PIEZO2: variants seen among roughly 807,000 people sequenced by gnomAD.
The protein encoded by PIEZO2 is piezo-type mechanosensitive ion channel component 2.
Under a neutral mutation model 337.3 loss-of-function variants are expected in PIEZO2, and 172 were observed. The ratio of observed to expected loss-of-function variants is 0.51; its 90% CI spans 0.45 to 0.58. The LOEUF is 0.58. PIEZO2 is among the 20% of genes least tolerant of loss of function. PIEZO2 has a pLI of 0.00. For synonymous variants in PIEZO2, 1,251 were observed against 1,228.5 expected (o/e 1.02, Z -0.38); for missense variants, 3,028 against 3,391.3 (o/e 0.89, Z 2.66).
intron 1 of PIEZO2, among the ~76,000 whole-genome samples, chr18:11,071,273 C>T (rs1287338278): frequency 6.6e-6 from 1 of 152,186 alleles, no homozygotes; most frequent in African/African-American, 2.4e-5. Context: ...AGAACAAGAA[C>T]AAGAACACAA....
chr18:10,689,579 A>G (rs1380472877), intron 49 of PIEZO2, 76 bp downstream of exon 49: 4 of 1,582,332 alleles, frequency 2.5e-6, no homozygotes, highest in Non-Finnish European at 3.5e-6. Context: ...TGTGAGCAGA[A>G]GTTCACATTC....
rs1188806870 is a variant in PIEZO2 at position 10,960,319 on chromosome 18, T to C, written c.286+19216A>G. The stretch of plus-strand genomic sequence containing the variant: ...AAAATTCTTATACATTCAATGTTTA[T>C]CTTTTTCAAGAAGCACTTACAGCCA... On this transcript the variant is annotated intron_variant, in intron 3 of 55. Transcript: ENST00000674853. Among the ~76,000 whole-genome samples, 64 of 152,200 alleles carry C rather than the reference T, an allele frequency of 4.2e-4. 1 individual carries two copies. Among genetic ancestry groups the C allele is most frequent in the Admixed American group, 4.2e-3 (64 of 15,276 alleles).
intron 1 of PIEZO2, among the ~76,000 whole-genome samples, chr18:11,106,932 T>C (rs1333207058): frequency 6.6e-6 from 1 of 152,086 alleles, no homozygotes; most frequent in Non-Finnish European, 1.5e-5. Flanking sequence ...GAGAAACAAA[T>C]AAGCTCAGGG....
In PIEZO2 at chr18:10,952,512, G is replaced by A. The variant is rs888349990; in HGVS notation, c.286+27023C>T. Among the ~76,000 whole-genome samples, 4 of 152,170 alleles carry A rather than the reference G, an allele frequency of 2.6e-5. No homozygotes were observed. The highest frequency in any genetic ancestry group is 9.7e-5 in the African/African-American group (4 of 41,440). On this transcript the variant is annotated intron_variant, in intron 3 of 55. Transcript: ENST00000674853. The surrounding 1 kb of genome is among the most constrained non-coding windows in gnomAD (Gnocchi z 4.1). The stretch of plus-strand genomic sequence containing the variant: ...GTCTGAATTCACTTAACATAATGCT[G>A]AATTGAGATGCTCTTGCATGTACCC...
Position 10,952,235 on chromosome 18 carries a change from T to C in PIEZO2, c.286+27300A>G, listed in dbSNP as rs2033326302. Among the ~76,000 whole-genome samples, 1 of 152,342 alleles carries C rather than the reference T, an allele frequency of 6.6e-6. No individual in the cohort carries two copies. The highest frequency in any genetic ancestry group is 2.1e-4 in the South Asian group (1 of 4,826). ...TCTTTTTAAATCATTTTTTTTCTTA[T>C]TAGATTATAAGTTACACAGAGTAAA... On this transcript the variant is annotated intron_variant, in intron 3 of 55. Transcript: ENST00000674853. The surrounding 1 kb of genome is among the most constrained non-coding windows in gnomAD (Gnocchi z 4.1).
intron 48 of PIEZO2, among the ~76,000 whole-genome samples, chr18:10,690,498 A>T (rs1360405032): frequency 1.3e-5 from 2 of 152,170 alleles, no homozygotes; most frequent in African/African-American, 4.8e-5. Flanking sequence ...CTGTCAAGTG[A>T]ATATAAATCC....
intron 2 of PIEZO2, among the ~76,000 whole-genome samples, chr18:11,039,813 A>T (rs1303168120): frequency 6.6e-6 from 1 of 151,974 alleles, no homozygotes; most frequent in African/African-American, 2.4e-5. Context: ...TCTCAGAATT[A>T]AAAACTAGCA....
intron 39 of PIEZO2, chr18:10,709,657 C>T (rs1404615645): frequency 1.3e-5 from 2 of 152,238 alleles, no homozygotes; most frequent in African/African-American, 2.4e-5. Context: ...CACTGCAAGC[C>T]TGGGAGGAGC....
At position 10,967,011 on chromosome 18, in the gene PIEZO2, G is replaced by GTTTTTTTT. The variant is rs1368023375; in HGVS notation, c.286+12523_286+12524insAAAAAAAA. Among the ~76,000 whole-genome samples the GTTTTTTTT allele has an allele frequency of 3.0e-4, 33 of 109,380 alleles. 2 individuals are homozygous for GTTTTTTTT. The highest frequency in any genetic ancestry group is 3.2e-4 in the Non-Finnish European group (17 of 52,738). The allele number at this position is 109,380 out of a possible 152,430, so 71.8% of individuals were successfully genotyped here. A position where few individuals can be genotyped will look rare whatever the true frequency, so the allele number is the denominator to read the frequency against. On this transcript the variant is annotated intron_variant, in intron 3 of 55. Coordinates refer to ENST00000674853, the MANE Select transcript of PIEZO2 (RefSeq NM_001378183.1). The stretch of plus-strand genomic sequence containing the variant: ...TGTGTATATATACCACATTTTCTCT[G>GTTTTTTTT]TTTTTTGTTTTTTTTTTTTTTTTTG...
chr18:10,986,154 A>G (rs1306942923), intron 2 of PIEZO2, among the ~76,000 whole-genome samples: 1 of 152,052 alleles, frequency 6.6e-6, no homozygotes, highest in Non-Finnish European at 1.5e-5. Context: ...TCTACCAAAT[A>G]TTTAAAGACG....
intron 3 of PIEZO2, among the ~76,000 whole-genome samples, chr18:10,941,482 T>A (rs2032723440): frequency 6.6e-6 from 1 of 152,218 alleles, no homozygotes; most frequent in Non-Finnish European, 1.5e-5. Context: ...TCCTAAATGA[T>A]CTGAAAATAT....
chr18:10,923,136 G>A (rs529888508), intron 3 of PIEZO2, among the ~76,000 whole-genome samples: 53 of 152,164 alleles, frequency 3.5e-4, no homozygotes, highest in Admixed American at 5.2e-4. Context: ...TTCCTGCACC[G>A]TCTCATAAGC....
chr18:10,692,442 C>T (rs1407591617), intron 47 of PIEZO2, among the ~76,000 whole-genome samples: 3 of 152,050 alleles, frequency 2.0e-5, no homozygotes, highest in Non-Finnish European at 4.4e-5. Flanking sequence ...GATTTGTCCC[C>T]TGCCTCCCTC....
chr18:10,989,701 T>C (rs1402345407), intron 2 of PIEZO2, among the ~76,000 whole-genome samples: 2 of 152,068 alleles, frequency 1.3e-5, no homozygotes, highest in African/African-American at 4.8e-5. Flanking sequence ...AGTCAGCAGC[T>C]TACAAGGGAA....
At chr18:10,950,300 C>T (rs188547890) in intron 3 of PIEZO2, among the ~76,000 whole-genome samples, 22 of 152,276 alleles carry the variant, frequency 1.4e-4, no homozygotes, top group African/African-American at 5.3e-4. Context: ...TGAGTGTCTG[C>T]TGTGTGCCAG....
rs1018140673 is a variant in PIEZO2 at position 11,132,308 on chromosome 18, G to A, written c.64+16217C>T. 6.6e-6 allele frequency among the ~76,000 whole-genome samples: 1 copy of A among 152,174 alleles called. No individual in the cohort carries two copies. Among genetic ancestry groups the A allele is most frequent in the African/African-American group, 2.4e-5 (1 of 41,426 alleles). The stretch of plus-strand genomic sequence containing the variant: ...CTCACTTTATGGTGAAAGAAGTGTG[G>A]CAGCAGGCTCATGCTCATGGAATCC... On this transcript the variant is annotated intron_variant, in intron 1 of 55. Coordinates refer to ENST00000674853, the MANE Select transcript of PIEZO2 (RefSeq NM_001378183.1). The surrounding 1 kb of genome is among the most constrained non-coding windows in gnomAD (Gnocchi z 4.7).
intron 47 of PIEZO2, among the ~76,000 whole-genome samples, chr18:10,692,052 G>A (rs895615158): frequency 2.6e-5 from 4 of 151,764 alleles, no homozygotes; most frequent in South Asian, 2.1e-4. Context: ...ATGACCTGAT[G>A]TTTATTTATT....
chr18:10,697,608 G>C (rs2035151711), intron 45 of PIEZO2, 140 bp downstream of exon 45: 1 of 1,095,812 alleles, frequency 9.1e-7, no homozygotes, highest in Non-Finnish European at 1.3e-6. Flanking sequence ...AGACAAAAAG[G>C]GGTAATTTCA....
In PIEZO2 at chr18:11,097,423, T is replaced by C. The variant is rs1002641074; in HGVS notation, c.65-31201A>G. 6.6e-6 allele frequency among the ~76,000 whole-genome samples: 1 copy of C among 152,164 alleles called. No homozygotes were observed. Among genetic ancestry groups the C allele is most frequent in the Admixed American group, 6.5e-5 (1 of 15,280 alleles). On this transcript the variant is annotated intron_variant, in intron 1 of 55. Transcript: ENST00000674853. This position sits in a 1 kb window ranked among gnomAD's most constrained non-coding sequence, Gnocchi z 5.0. Reference sequence around the variant, plus strand: ...CCTGACTCATTAACTGCCCGGCCCCTCACAGAAAAAGTTTGCTGGTCACAG... The same window carrying C: ...CCTGACTCATTAACTGCCCGGCCCCCCACAGAAAAAGTTTGCTGGTCACAG...
Sources: allele counts gnomAD v4.1 joint callset (sites outside exome capture counted in the v4.1 genomes callset), GRCh38; gene constraint gnomAD v4.1.1; non-coding constraint Gnocchi (gnomAD v3.1); transcripts MANE v1.5; gene names NCBI Gene and HGNC (gene_info 2026-07-23, HGNC 2026-07-21).